STARD13: variants seen among roughly 807,000 people sequenced by gnomAD.
STARD13 encodes stAR-related lipid transfer protein 13.
A neutral mutation model predicts 106.4 loss-of-function variants in STARD13; 62 were observed. That is an observed-to-expected ratio of 0.58 (90% CI 0.48 to 0.72). The LOEUF is 0.72. Ranked by LOEUF, STARD13 falls within the 30% of genes least tolerant of loss-of-function variation. STARD13 has a pLI of 0.00. For missense variants in STARD13, 1,387 were observed against 1,424.0 expected (o/e 0.97, Z 0.42); for synonymous variants, 565 against 553.0 (o/e 1.02, Z -0.31).
intron 1 of STARD13, among the ~76,000 whole-genome samples, chr13:33,266,035 T>A (rs1202035600): frequency 6.6e-6 from 1 of 152,194 alleles, no homozygotes; most frequent in Non-Finnish European, 1.5e-5. Context: ...AAGATCCTCA[T>A]CCCTCATGGT....
At chr13:33,347,529 G>A (rs1203493735), downstream of STARD13, among the ~76,000 whole-genome samples, 1 of 152,190 alleles carries the variant, frequency 6.6e-6, no homozygotes, top group Non-Finnish European at 1.5e-5. Context: ...TTACAGGCAT[G>A]AGCCACCACG....
At chr13:33,375,961 T>TAATG in the STARD13 span, among the ~76,000 whole-genome samples, 1 of 152,132 alleles carries the variant, frequency 6.6e-6, no homozygotes, top group African/African-American at 2.4e-5. Context: ...TGACCATACT[T>TAATG]TACTGGTTTT....
chr13:33,177,712 G>A (rs910398739), intron 1 of STARD13, among the ~76,000 whole-genome samples: 26 of 149,564 alleles, frequency 1.7e-4, no homozygotes, highest in African/African-American at 5.4e-4. Flanking sequence ...ATGGAGGAAG[G>A]GAGGAAGGAG....
At chr13:33,608,033 T>C in the STARD13 span, among the ~76,000 whole-genome samples, 2 of 152,142 alleles carry the variant, frequency 1.3e-5, no homozygotes, top group African/African-American at 4.8e-5. Flanking sequence ...CCTCAGGCTT[T>C]GGAATAGCTG....
At chr13:33,644,623 G>A in the STARD13 span, among the ~76,000 whole-genome samples, 1 of 152,056 alleles carries the variant, frequency 6.6e-6, no homozygotes, top group African/African-American at 2.4e-5. Context: ...AGAGGGGGAG[G>A]TCAGTTCCTA....
the STARD13 span, among the ~76,000 whole-genome samples, chr13:33,624,663 C>G: frequency 6.6e-6 from 1 of 152,156 alleles, no homozygotes; most frequent in Non-Finnish European, 1.5e-5. Context: ...CTCCTAAGGC[C>G]AGTACAATAG....
chr13:33,362,430 G>A, the STARD13 span, among the ~76,000 whole-genome samples: 1 of 152,118 alleles, frequency 6.6e-6, no homozygotes, highest in Non-Finnish European at 1.5e-5. Flanking sequence ...AGATTTGGAG[G>A]GGACAAACAT....
At chr13:33,329,781 G>A (rs1238486732) in intron 1 of STARD13, among the ~76,000 whole-genome samples, 2 of 148,526 alleles carry the variant, frequency 1.3e-5, no homozygotes, top group African/African-American at 5.0e-5. Flanking sequence ...TCGGCTCACT[G>A]CAACCTCCAC....
chr13:33,483,202 T>C, the STARD13 span, among the ~76,000 whole-genome samples: 2 of 152,218 alleles, frequency 1.3e-5, no homozygotes, highest in African/African-American at 2.4e-5. Flanking sequence ...GAATTTTAAC[T>C]AGGGATAAAA....
chr13:33,496,309 A>G, the STARD13 span, among the ~76,000 whole-genome samples: 1 of 150,364 alleles, frequency 6.7e-6, no homozygotes. Flanking sequence ...TAAATTAAAA[A>G]TAAACTCAGT....
the STARD13 span, among the ~76,000 whole-genome samples, chr13:33,568,390 T>G: frequency 2.1e-4 from 31 of 148,198 alleles, 4 homozygotes; most frequent in Admixed American, 1.7e-3. Context: ...CAAAATTCTA[T>G]AAGATACTTA....
the STARD13 span, among the ~76,000 whole-genome samples, chr13:33,641,604 A>G: frequency 1.3e-5 from 2 of 152,114 alleles, no homozygotes; most frequent in African/African-American, 4.8e-5. Context: ...TTATGAAACT[A>G]CTTCTGAGGT....
the STARD13 span, among the ~76,000 whole-genome samples, chr13:33,464,322 A>T: frequency 6.6e-6 from 1 of 152,144 alleles, no homozygotes; most frequent in Non-Finnish European, 1.5e-5. Flanking sequence ...TCATTAAAGC[A>T]TTAAGATATG....
chr13:33,144,301 G>A (rs1880233101), intron 3 of STARD13, among the ~76,000 whole-genome samples: 1 of 152,130 alleles, frequency 6.6e-6, no homozygotes, highest in Non-Finnish European at 1.5e-5. Flanking sequence ...GTCATCTTGA[G>A]GCTCTACTCC....
At chr13:33,572,712 A>G in the STARD13 span, among the ~76,000 whole-genome samples, 1 of 152,212 alleles carries the variant, frequency 6.6e-6, no homozygotes, top group Admixed American at 6.5e-5. Flanking sequence ...AAATGTTCAG[A>G]GAAATCATTC....
At chr13:33,409,372 C>T in the STARD13 span, among the ~76,000 whole-genome samples, 1 of 152,144 alleles carries the variant, frequency 6.6e-6, no homozygotes, top group African/African-American at 2.4e-5. Context: ...CAAGGTCACC[C>T]AGGTGGCATG....
chr13:33,327,870 A>T (rs1438754821), intron 1 of STARD13, among the ~76,000 whole-genome samples: 2 of 152,258 alleles, frequency 1.3e-5, no homozygotes, highest in South Asian at 4.1e-4. Context: ...ATCTTCAGGA[A>T]TCCAAAACTG....
chr13:33,440,528 C>A, the STARD13 span, among the ~76,000 whole-genome samples: 3 of 151,658 alleles, frequency 2.0e-5, no homozygotes, highest in African/African-American at 7.3e-5. Context: ...TTCTACCCCT[C>A]TGCTTGTTCC....
intron 1 of STARD13, among the ~76,000 whole-genome samples, chr13:33,212,131 G>A (rs1174080708): frequency 6.6e-6 from 1 of 152,148 alleles, no homozygotes; most frequent in Non-Finnish European, 1.5e-5. Context: ...CAAGGAACCA[G>A]CACCACTCAG....
Sources: allele counts gnomAD v4.1 joint callset (sites outside exome capture counted in the v4.1 genomes callset), GRCh38; gene constraint gnomAD v4.1.1; transcripts MANE v1.5; gene names NCBI Gene and HGNC (gene_info 2026-07-23, HGNC 2026-07-21).